The following CNTN5 variants were observed in gnomAD, a reference collection of about 807,000 sequenced individuals.
CNTN5 encodes contactin-5.
CNTN5 carries 77 observed loss-of-function variants against 129.1 expected under a neutral mutation model. The observed-to-expected ratio is 0.60, with a 90% CI of 0.50 to 0.72. The LOEUF is 0.72. Ranked by LOEUF, CNTN5 falls within the 30% of genes least tolerant of loss-of-function variation. CNTN5 has a pLI of 0.00. For synonymous variants in CNTN5, 509 were observed against 465.6 expected (o/e 1.09, Z -1.20); for missense variants, 1,478 against 1,328.8 (o/e 1.11, Z -1.75).
intron 3 of CNTN5, among the ~76,000 whole-genome samples, chr11:99,717,618 A>C (rs372566841): frequency 6.6e-6 from 1 of 152,044 alleles, no homozygotes; most frequent in East Asian, 1.9e-4. Flanking sequence ...AACACTTTTT[A>C]AGCCACATTT....
chr11:99,988,956 T>TTTTG (rs956459390), intron 8 of CNTN5, among the ~76,000 whole-genome samples: 2 of 152,112 alleles, frequency 1.3e-5, no homozygotes, highest in Non-Finnish European at 1.5e-5. Context: ...CCTTTCAGTT[T>TTTTG]TTTGTTTGTT....
At chr11:99,424,329 C>T (rs1033840410) in intron 2 of CNTN5, among the ~76,000 whole-genome samples, 1 of 152,142 alleles carries the variant, frequency 6.6e-6, no homozygotes, top group Non-Finnish European at 1.5e-5. Context: ...GACAAAGTGT[C>T]GTGGGATCTG....
chr11:100,052,538 A>G (rs1406435077), intron 9 of CNTN5, among the ~76,000 whole-genome samples: 1 of 151,798 alleles, frequency 6.6e-6, no homozygotes, highest in African/African-American at 2.4e-5. Flanking sequence ...GAATTTGCAT[A>G]ACATTTATGA....
intron 1 of CNTN5, among the ~76,000 whole-genome samples, chr11:99,321,346 C>G (rs955666980): frequency 6.7e-6 from 1 of 148,860 alleles, no homozygotes; most frequent in Admixed American, 6.8e-5. Context: ...TATTTATATA[C>G]ATTATATATA....
intron 3 of CNTN5, among the ~76,000 whole-genome samples, chr11:99,760,367 T>C (rs996161572): frequency 6.6e-6 from 1 of 152,128 alleles, no homozygotes; most frequent in African/African-American, 2.4e-5. Flanking sequence ...TAGGTTACTT[T>C]ACCTCTCTAT....
chr11:100,298,746 T>C (rs1272241975), intron 19 of CNTN5, among the ~76,000 whole-genome samples: 1 of 151,394 alleles, frequency 6.6e-6, no homozygotes. Flanking sequence ...AAAAAAGGTT[T>C]TAACATCATT....
At chr11:99,922,107 G>C (rs1347686219) in intron 7 of CNTN5, among the ~76,000 whole-genome samples, 1 of 152,176 alleles carries the variant, frequency 6.6e-6, no homozygotes, top group Non-Finnish European at 1.5e-5. Context: ...TGGACTCACA[G>C]TTTCACCTGG....
At chr11:99,039,712 C>A (rs1039613517) in intron 1 of CNTN5, among the ~76,000 whole-genome samples, 2 of 152,088 alleles carry the variant, frequency 1.3e-5, no homozygotes, top group African/African-American at 2.4e-5. Flanking sequence ...TGTGTGTGTA[C>A]TTGCTCCTGA....
intron 2 of CNTN5, among the ~76,000 whole-genome samples, chr11:99,518,287 G>A (rs1408473511): frequency 2.0e-5 from 3 of 152,082 alleles, no homozygotes; most frequent in Non-Finnish European, 4.4e-5. Context: ...GACTCAGGTC[G>A]CCACTTTATG....
intron 3 of CNTN5, among the ~76,000 whole-genome samples, chr11:99,595,573 A>G (rs1234361610): frequency 6.6e-6 from 1 of 152,154 alleles, no homozygotes; most frequent in East Asian, 1.9e-4. Flanking sequence ...AAGCAAAGGT[A>G]AATATGCCAC....
intron 14 of CNTN5, among the ~76,000 whole-genome samples, chr11:100,191,475 C>G (rs1383766159): frequency 1.3e-5 from 2 of 151,992 alleles, no homozygotes; most frequent in Non-Finnish European, 2.9e-5. Context: ...TTTTATTTTG[C>G]TTTGAATAAA....
At chr11:99,627,899 C>T (rs1182302485) in intron 3 of CNTN5, among the ~76,000 whole-genome samples, 4 of 150,078 alleles carry the variant, frequency 2.7e-5, no homozygotes, top group Non-Finnish European at 4.4e-5. Context: ...TGACCATTCA[C>T]CAAAATAAAA....
At chr11:99,084,123 T>A (rs756894802) in intron 1 of CNTN5, among the ~76,000 whole-genome samples, 71 of 152,228 alleles carry the variant, frequency 4.7e-4, no homozygotes, top group South Asian at 6.2e-4. Context: ...CGTGCTACAC[T>A]TGAGCATAAA....
intron 9 of CNTN5, among the ~76,000 whole-genome samples, chr11:100,042,121 G>A (rs190498410): frequency 1.2e-4 from 19 of 152,232 alleles, no homozygotes; most frequent in Admixed American, 9.2e-4. Context: ...CACTGCCCCT[G>A]AAGGTTTCCA....
chr11:100,328,499 A>G (rs534711039), intron 21 of CNTN5, among the ~76,000 whole-genome samples: 11 of 152,332 alleles, frequency 7.2e-5, no homozygotes, highest in African/African-American at 2.2e-4. Flanking sequence ...GGCCTCAGCA[A>G]ACTTACAATA....
At chr11:99,915,943 A>C in intron 6 of CNTN5, 111 bp from the exon 7 acceptor site, 1 of 801,846 alleles carries the variant, frequency 1.2e-6, no homozygotes, top group Non-Finnish European at 2.0e-6. Flanking sequence ...CTGATTAACA[A>C]ACAAAAGACA....
intron 2 of CNTN5, among the ~76,000 whole-genome samples, chr11:99,369,171 TATATATATA>T (rs1378832402): frequency 2.1e-5 from 3 of 141,556 alleles, no homozygotes; most frequent in South Asian, 2.1e-4. Context: ...AGAAGAATTA[TATATATATA>T]ATATATATAA....
chr11:100,116,844 G>GCC (rs1945855913), intron 13 of CNTN5, among the ~76,000 whole-genome samples: 1 of 151,904 alleles, frequency 6.6e-6, no homozygotes, highest in African/African-American at 2.4e-5. Flanking sequence ...ACTATAAAGA[G>GCC]AAAGCATTGG....
At chr11:99,758,415 G>A (rs1253774736) in intron 3 of CNTN5, among the ~76,000 whole-genome samples, 1 of 151,894 alleles carries the variant, frequency 6.6e-6, no homozygotes, top group Non-Finnish European at 1.5e-5. Context: ...AGCATTATTA[G>A]GAAAATGAAT....
Sources: allele counts gnomAD v4.1 joint callset (sites outside exome capture counted in the v4.1 genomes callset), GRCh38; gene constraint gnomAD v4.1.1; transcripts MANE v1.5; gene names NCBI Gene and HGNC (gene_info 2026-07-23, HGNC 2026-07-21).